RRN3: variants seen among roughly 807,000 people sequenced by gnomAD.
RRN3 encodes the protein RNA polymerase I transcription factor RRN3.
In RRN3, 38 loss-of-function variants were observed where a neutral mutation model predicts 82.3. That is an observed-to-expected ratio of 0.46 (90% CI 0.36 to 0.61). RRN3 has a LOEUF of 0.61. Ranked by LOEUF, RRN3 falls within the 20% of genes least tolerant of loss-of-function variation. The probability of loss-of-function intolerance (pLI) is 0.00; values close to 1 mark genes in which losing one functional copy is unlikely to be tolerated. For missense variants in RRN3, 726 were observed against 793.1 expected (o/e 0.92, Z 1.02); for synonymous variants, 284 against 284.3 (o/e 1.00, Z 0.01).
intron 13 of RRN3, 37 bp downstream of exon 13, chr16:15,071,084 T>C (rs758623290): frequency 9.9e-5 from 154 of 1,554,740 alleles, no homozygotes; most frequent in East Asian, 2.0e-4. Flanking sequence ...TTTTAAAGCA[T>C]GATATTAAAA....
chr16:15,076,547 A>G lies in RRN3; in HGVS notation c.858+11T>C, dbSNP rs891769220. The G allele has an allele frequency of 8.9e-6, 14 of 1,578,684 alleles. No individual in the cohort carries two copies. Among genetic ancestry groups the G allele is most frequent in the Non-Finnish European group, 1.1e-5 (13 of 1,147,486 alleles). ...AAACTTCATCTCCACTTTCATTAAT[A>G]AACTGCTAACCATATTAAACAATCC... On this transcript the variant is annotated intron_variant, in intron 10 of 17. Coordinates refer to ENST00000198767, the MANE Select transcript of RRN3 (RefSeq NM_018427.5).
intron 8 of RRN3, among the ~76,000 whole-genome samples, chr16:15,082,540 C>A (rs1444758592): frequency 6.6e-6 from 1 of 151,814 alleles, no homozygotes; most frequent in African/African-American, 2.4e-5. Context: ...GGGTGTGGTG[C>A]CCCATGTCTA....
intron 5 of RRN3, 36 bp from the exon 6 acceptor site, chr16:15,085,734 T>C (rs781309167): frequency 6.8e-6 from 11 of 1,611,458 alleles, no homozygotes; most frequent in Admixed American, 1.7e-5. Context: ...TATTCTGTCA[T>C]TGATCTAGAC....
At chr16:15,066,866 G>A (rs527641508) in intron 15 of RRN3, among the ~76,000 whole-genome samples, 2 of 151,688 alleles carry the variant, frequency 1.3e-5, no homozygotes, top group Non-Finnish European at 2.9e-5. Flanking sequence ...CCTGCTCTTA[G>A]CCTCACATCG....
intron 10 of RRN3, 125 bp downstream of exon 10, chr16:15,076,433 C>T (rs973153457): frequency 1.5e-5 from 11 of 731,824 alleles, no homozygotes; most frequent in South Asian, 6.0e-5. Context: ...TATAAGGAAT[C>T]GTTTTCAAGT....
At chr16:15,080,959 T>G (rs1010543642) in intron 8 of RRN3, among the ~76,000 whole-genome samples, 3 of 152,190 alleles carry the variant, frequency 2.0e-5, no homozygotes, top group African/African-American at 7.2e-5. Flanking sequence ...TAGGGTTCAA[T>G]CATGTTGTAA....
rs1463370983 is a variant in RRN3 at position 15,060,381 on chromosome 16, G to A, written c.*1363C>T. On this transcript the variant is annotated 3_prime_UTR_variant, in exon 18 of 18. Coordinates refer to ENST00000198767, the MANE Select transcript of RRN3 (RefSeq NM_018427.5). The stretch of plus-strand genomic sequence containing the variant: ...ATAAAAATTTCTATTTTCCAAAAAA[G>A]TATTTACAGACTGAAATTCAAACTC... 5.2e-6 allele frequency: 1 copy of A among 192,344 alleles called. No homozygotes were observed. Among genetic ancestry groups the A allele is most frequent in the Admixed American group, 6.2e-5 (1 of 16,044 alleles). The allele number at this position is 192,344 out of a possible 1,614,324, so 11.9% of individuals were successfully genotyped here. A position where few individuals can be genotyped will look rare whatever the true frequency, so the allele number is the denominator to read the frequency against.
chr16:15,083,640 A>G (rs1250252084), intron 7 of RRN3, 58 bp from the exon 8 acceptor site: 1 of 1,574,580 alleles, frequency 6.4e-7, no homozygotes, highest in Non-Finnish European at 8.6e-7. Context: ...AAAGGAATAA[A>G]AAGGAAAACT....
At chr16:15,071,945 T>C (rs913411225) in intron 12 of RRN3, among the ~76,000 whole-genome samples, 3 of 152,178 alleles carry the variant, frequency 2.0e-5, no homozygotes, top group African/African-American at 7.2e-5. Context: ...TGGGCACTCC[T>C]GTGAGTGCAA....
At position 15,080,158 on chromosome 16, in the gene RRN3, A is replaced by G. The variant is rs1246967916; in HGVS notation, c.667-62T>C. ...AGAATAAACGTTTCACAGTTATGTAAGCAAAACATCAATTACATGACCTTT... is the reference window on the plus strand; with the variant it reads ...AGAATAAACGTTTCACAGTTATGTAGGCAAAACATCAATTACATGACCTTT... On this transcript the variant is annotated intron_variant, in intron 8 of 17. Transcript: ENST00000198767. 10 of 1,517,330 alleles carry G rather than the reference A, an allele frequency of 6.6e-6. No homozygotes were observed. The Admixed American group carries it at 1.5e-4, about 23-fold the overall frequency. The allele number at this position is 1,517,330 out of a possible 1,614,324, so 94.0% of individuals were successfully genotyped here. A position where few individuals can be genotyped will look rare whatever the true frequency, so the allele number is the denominator to read the frequency against.
Position 15,083,365 on chromosome 16 carries a change from C to T in RRN3, c.666+148G>A, listed in dbSNP as rs138897035. On this transcript the variant is annotated intron_variant, in intron 8 of 17. Coordinates refer to ENST00000198767, the MANE Select transcript of RRN3 (RefSeq NM_018427.5). ...AGTGAGCCAAGATGACGCCATTGCA[C>T]TCCAGCTTGGGCGACAGAGTGAGAC... is the stretch of plus-strand genomic sequence containing the variant. 6,823 of 1,308,464 alleles carry T rather than the reference C, an allele frequency of 5.2e-3. 25 individuals carry two copies. The highest frequency in any genetic ancestry group is 6.4e-3 in the Non-Finnish European group (6,227 of 965,848). 81.1% of individuals were successfully genotyped at this position (1,308,464 alleles called of 1,614,324 possible). A position where few individuals can be genotyped will look rare whatever the true frequency, so the allele number is the denominator to read the frequency against.
chr16:15,060,208 T>C lies in RRN3; in HGVS notation c.*1536A>G. ...AACCCACAAAGACCCCACTTACTAC[T>C]AATTTCTGGGGAATTTCGTTTACTC... On this transcript the variant is annotated 3_prime_UTR_variant, in exon 18 of 18. Transcript: ENST00000198767. 2.5e-6 allele frequency: 1 copy of C among 393,742 alleles called. No individual in the cohort carries two copies. Among genetic ancestry groups the C allele is most frequent in the African/African-American group, 2.1e-5 (1 of 47,720 alleles). 24.4% of individuals were successfully genotyped at this position (393,742 alleles called of 1,614,324 possible).
chr16:15,094,128 A>G lies in RRN3; in HGVS notation c.89+17T>C. The G allele has an allele frequency of 2.5e-6, 4 of 1,584,216 alleles. No homozygotes were observed. The highest frequency in any genetic ancestry group is 3.4e-6 in the Non-Finnish European group (4 of 1,163,674). ...CTTTCGTCCCAGATACGCAGAAGGA[A>G]GCGGCCTGAATCTTACCCAGTCCTC... is the stretch of plus-strand genomic sequence containing the variant. On this transcript the variant is annotated intron_variant, in intron 1 of 17. Transcript: ENST00000198767.
At position 15,062,359 on chromosome 16, in the gene RRN3, G is replaced by A. The variant is rs150167815; in HGVS notation, c.1795-454C>T. On this transcript the variant is annotated intron_variant, in intron 17 of 17. Coordinates refer to ENST00000198767, the MANE Select transcript of RRN3 (RefSeq NM_018427.5). ...CTAACACAATGTGAATGAATTACAC[G>A]CCCCTCAACAAATGAAACATAAAGA... Among the ~76,000 whole-genome samples, 753 of 152,192 alleles carry A rather than the reference G, an allele frequency of 4.9e-3. 4 individuals carry two copies. The highest frequency in any genetic ancestry group is 0.018 in the African/African-American group (727 of 41,522).
At chr16:15,079,067 C>T in intron 9 of RRN3, among the ~76,000 whole-genome samples, 1 of 152,264 alleles carries the variant, frequency 6.6e-6, no homozygotes, top group Middle Eastern at 3.4e-3. Context: ...GCCTCGGCCT[C>T]CCAAAGTGCT....
chr16:15,086,068 G>A (rs2045905337), intron 5 of RRN3, 61 bp downstream of exon 5: 4 of 1,487,384 alleles, frequency 2.7e-6, no homozygotes, highest in Non-Finnish European at 3.7e-6. Flanking sequence ...TATATAAGGG[G>A]AAGGTAGTAT....
In RRN3 at chr16:15,080,180, C is replaced by T. The variant is rs1267372441; in HGVS notation, c.667-84G>A. 12 of 1,466,272 alleles carry T rather than the reference C, an allele frequency of 8.2e-6. No individual in the cohort carries two copies. In the East Asian group the frequency reaches 1.3e-4, roughly 16 times the overall value. 90.8% of individuals were successfully genotyped at this position (1,466,272 alleles called of 1,614,324 possible). A position where few individuals can be genotyped will look rare whatever the true frequency, so the allele number is the denominator to read the frequency against. ...GTAAGCAAAACATCAATTACATGAC[C>T]TTTAGTTTCAAATATTTAAAAAGAA... On this transcript the variant is annotated intron_variant, in intron 8 of 17. Coordinates refer to ENST00000198767, the MANE Select transcript of RRN3 (RefSeq NM_018427.5).
At chr16:15,077,617 G>A (rs866592041) in intron 9 of RRN3, among the ~76,000 whole-genome samples, 1 of 152,158 alleles carries the variant, frequency 6.6e-6, no homozygotes, top group African/African-American at 2.4e-5. Context: ...CGAGGTGGAC[G>A]GATCATGAGG....
At chr16:15,072,910 C>T (rs200088594) in intron 12 of RRN3, 40 bp downstream of exon 12, 1 of 1,600,938 alleles carries the variant, frequency 6.2e-7, no homozygotes, top group East Asian at 2.2e-5. Flanking sequence ...TGGGCAAAAA[C>T]AAAGTAAGCT....
Sources: allele counts gnomAD v4.1 joint callset (sites outside exome capture counted in the v4.1 genomes callset), GRCh38; gene constraint gnomAD v4.1.1; transcripts MANE v1.5; gene names NCBI Gene and HGNC (gene_info 2026-07-23, HGNC 2026-07-21).